SMYD3: variants seen among roughly 807,000 people sequenced by gnomAD.
SMYD3 encodes SET and MYND domain containing 3.
In SMYD3, 36 loss-of-function variants were observed where a neutral mutation model predicts 57.7. The observed-to-expected ratio is 0.62, with a 90% CI of 0.48 to 0.82. The LOEUF is 0.82. Ranked by LOEUF, SMYD3 falls within the 40% of genes least tolerant of loss-of-function variation. The probability of loss-of-function intolerance (pLI) is 0.00; values close to 1 mark genes in which losing one functional copy is unlikely to be tolerated. For missense variants in SMYD3, 515 were observed against 538.8 expected (o/e 0.96, Z 0.44); for synonymous variants, 211 against 195.0 (o/e 1.08, Z -0.68).
intron 10 of SMYD3, among the ~76,000 whole-genome samples, chr1:245,795,282 G>T (rs1193383114): frequency 6.6e-6 from 1 of 152,218 alleles, no homozygotes; most frequent in East Asian, 1.9e-4. Context: ...CAAGCTTCAT[G>T]TCGACCATCA....
chr1:246,156,140 T>C (rs1262954024), intron 5 of SMYD3, among the ~76,000 whole-genome samples: 2 of 152,176 alleles, frequency 1.3e-5, no homozygotes, highest in Non-Finnish European at 1.5e-5. Context: ...TTGGTTACTA[T>C]GTGTTTACTA....
At chr1:246,140,260 G>C (rs181355714) in intron 5 of SMYD3, among the ~76,000 whole-genome samples, 2 of 152,274 alleles carry the variant, frequency 1.3e-5, no homozygotes, top group Admixed American at 1.3e-4. Context: ...CAGCTCCACC[G>C]CTTTGGATGT....
At chr1:245,892,102 CA>C (rs1220408729) in intron 8 of SMYD3, among the ~76,000 whole-genome samples, 1 of 151,928 alleles carries the variant, frequency 6.6e-6, no homozygotes, top group African/African-American at 2.4e-5. Flanking sequence ...CCAAACCAAA[CA>C]AGAGGCACTA....
intron 5 of SMYD3, among the ~76,000 whole-genome samples, chr1:246,022,166 C>G (rs1277139259): frequency 6.6e-6 from 1 of 152,226 alleles, no homozygotes; most frequent in Non-Finnish European, 1.5e-5. Flanking sequence ...CTTAAGACAT[C>G]AGTCCCTCTA....
At chr1:246,366,042 C>G (rs2066096931) in intron 1 of SMYD3, among the ~76,000 whole-genome samples, 1 of 152,118 alleles carries the variant, frequency 6.6e-6, no homozygotes, top group South Asian at 2.1e-4. Context: ...CAAGTACATA[C>G]AAAATGTTTG....
chr1:246,068,777 T>C lies in SMYD3; in HGVS notation c.532-138840A>G, dbSNP rs143917262. ...AAGAACCTCCTTAATATGAAGTCAGTGTGAATGGTTCTTGGAGGGGAGCCA... is the reference window on the plus strand; with the variant it reads ...AAGAACCTCCTTAATATGAAGTCAGCGTGAATGGTTCTTGGAGGGGAGCCA... On this transcript the variant is annotated intron_variant, in intron 5 of 11. Transcript: ENST00000490107. 2.0e-4 allele frequency among the ~76,000 whole-genome samples: 30 copies of C among 152,316 alleles called. No individual in the cohort carries two copies. In the East Asian group the frequency reaches 5.8e-3, roughly 29 times the overall value.
At chr1:246,328,959 C>T (rs992414155) in intron 4 of SMYD3, among the ~76,000 whole-genome samples, 3 of 151,466 alleles carry the variant, frequency 2.0e-5, no homozygotes, top group South Asian at 2.1e-4. Context: ...TTTGTCCTTG[C>T]AATAGTTTAC....
At chr1:245,843,980 A>G (rs1398867628) in intron 10 of SMYD3, among the ~76,000 whole-genome samples, 2 of 152,142 alleles carry the variant, frequency 1.3e-5, no homozygotes, top group African/African-American at 2.4e-5. Flanking sequence ...CCAACGATGG[A>G]GTGTTGGATG....
rs2047651909 is a variant in SMYD3 at position 245,798,389 on chromosome 1, C to CACACACACACACACCACACAT, written c.1077-34241_1077-34240insATGTGTGGTGTGTGTGTGTGT. ...ATCTTGACCTGTCAACACACACACG[C>CACACACACACACACCACACAT]GCACACACACACACACATACACACA... On this transcript the variant is annotated intron_variant, in intron 10 of 11. Transcript: ENST00000490107. 2.7e-5 allele frequency among the ~76,000 whole-genome samples: 2 copies of CACACACACACACACCACACAT among 74,008 alleles called. 1 individual carries two copies. The highest frequency in any genetic ancestry group is 4.6e-5 in the Non-Finnish European group (2 of 43,160). The allele number at this position is 74,008 out of a possible 152,430, so 48.6% of individuals were successfully genotyped here.
chr1:245,778,465 A>G (rs1245960933), intron 10 of SMYD3, among the ~76,000 whole-genome samples: 3 of 152,150 alleles, frequency 2.0e-5, no homozygotes, highest in Non-Finnish European at 4.4e-5. Context: ...CCTGTTATCT[A>G]CCTTTTCTAT....
At chr1:245,977,329 C>T (rs150997418) in intron 5 of SMYD3, among the ~76,000 whole-genome samples, 3 of 152,334 alleles carry the variant, frequency 2.0e-5, no homozygotes, top group Non-Finnish European at 4.4e-5. Flanking sequence ...AGCCTTGCTC[C>T]CTCATGGCAT....
At chr1:246,141,474 G>GA (rs35543487) in intron 5 of SMYD3, among the ~76,000 whole-genome samples, 76,492 of 151,606 alleles carry the variant, frequency 0.5, 23,112 homozygotes, top group Non-Finnish European at 0.69. Flanking sequence ...CACCTTGACA[G>GA]ATGGTGCATT....
At chr1:246,021,150 G>A (rs911465530) in intron 5 of SMYD3, among the ~76,000 whole-genome samples, 1 of 152,204 alleles carries the variant, frequency 6.6e-6, no homozygotes, top group East Asian at 1.9e-4. Context: ...AGTATGAAGT[G>A]TATCTCTCAG....
At chr1:245,858,438 C>T (rs2051365009) in intron 10 of SMYD3, 58 bp downstream of exon 10, 1 of 1,513,732 alleles carries the variant, frequency 6.6e-7, no homozygotes, top group Non-Finnish European at 8.9e-7. Flanking sequence ...CAACATGGAT[C>T]CTTTGCCCAA....
At chr1:246,443,634 G>C (rs2067503448) in intron 1 of SMYD3, among the ~76,000 whole-genome samples, 1 of 152,176 alleles carries the variant, frequency 6.6e-6, no homozygotes, top group South Asian at 2.1e-4. Context: ...ATGGGCACAG[G>C]AACCTAACAC....
intron 10 of SMYD3, among the ~76,000 whole-genome samples, chr1:245,781,388 C>A (rs887155882): frequency 6.6e-6 from 1 of 152,112 alleles, no homozygotes; most frequent in Non-Finnish European, 1.5e-5. Flanking sequence ...TGATTCCAGG[C>A]AAAATGATTA....
chr1:246,262,557 G>A (rs58988377), intron 5 of SMYD3, among the ~76,000 whole-genome samples: 3,761 of 152,088 alleles, frequency 0.025, 150 homozygotes, highest in African/African-American at 0.085. Flanking sequence ...TTTCCATTTT[G>A]TTCTTCCTTT....
chr1:246,444,612 T>C (rs1193775109), intron 1 of SMYD3, among the ~76,000 whole-genome samples: 1 of 152,244 alleles, frequency 6.6e-6, no homozygotes, highest in Non-Finnish European at 1.5e-5. Flanking sequence ...ACAGGTGCTC[T>C]CAGGCAACCA....
chr1:245,840,671 G>C (rs1038765389), intron 10 of SMYD3, among the ~76,000 whole-genome samples: 1 of 151,878 alleles, frequency 6.6e-6, no homozygotes, highest in African/African-American at 2.4e-5. Context: ...CACTTCTTCA[G>C]TTGTAAGAAA....
Sources: gnomAD v4.1 joint callset for allele counts (sites outside exome capture counted in the v4.1 genomes callset) on GRCh38, gnomAD v4.1.1 for gene constraint, MANE v1.5 for transcripts, NCBI Gene and HGNC (gene_info 2026-07-23, HGNC 2026-07-21) for gene names.